VSTM4: variants seen among roughly 807,000 people sequenced by gnomAD.
VSTM4 encodes V-set and transmembrane domain-containing protein 4.
VSTM4 carries 20 observed loss-of-function variants against 36.4 expected under a neutral mutation model. That is an observed-to-expected ratio of 0.55 (90% CI 0.39 to 0.80). The LOEUF (loss-of-function observed/expected upper bound fraction) is 0.80, where lower values mean the gene tolerates loss of function less well. VSTM4 is among the 30% of genes least tolerant of loss of function. VSTM4 has a pLI of 0.00. For missense variants in VSTM4, 392 were observed against 404.5 expected, an observed-to-expected ratio of 0.97 and a Z score of 0.26; for synonymous variants, 182 against 173.9, an observed-to-expected ratio of 1.05 and a Z score of -0.37.
intron 2 of VSTM4, among the ~76,000 whole-genome samples, chr10:49,094,367 C>T (rs1368989532): frequency 6.6e-6 from 1 of 152,182 alleles, no homozygotes; most frequent in East Asian, 1.9e-4. Flanking sequence ...AAGATGATTC[C>T]TAACCAGAAG....
At chr10:49,041,598 G>T (rs1294380978) in intron 7 of VSTM4, among the ~76,000 whole-genome samples, 2 of 152,064 alleles carry the variant, frequency 1.3e-5, no homozygotes, top group African/African-American at 4.8e-5. Flanking sequence ...TATTTTTTTA[G>T]TTGCAAAAAA....
chr10:49,077,154 A>G (rs1844192497), intron 4 of VSTM4, 65 bp downstream of exon 4: 2 of 1,526,080 alleles, frequency 1.3e-6, no homozygotes. Flanking sequence ...TTTGTCTAGC[A>G]TCTTCCGCCC....
chr10:49,104,743 C>T (rs915655768), intron 2 of VSTM4, among the ~76,000 whole-genome samples: 11 of 151,182 alleles, frequency 7.3e-5, no homozygotes, highest in East Asian at 3.9e-4. Flanking sequence ...GGGGAGTGGG[C>T]GAGAGAAGTG....
chr10:49,058,224 G>T (rs1843816086), intron 5 of VSTM4, among the ~76,000 whole-genome samples: 1 of 152,138 alleles, frequency 6.6e-6, no homozygotes, highest in Non-Finnish European at 1.5e-5. Context: ...CCCGTAAGTA[G>T]AGATGAAGCA....
chr10:49,110,031 C>A (rs1206933792), intron 1 of VSTM4, among the ~76,000 whole-genome samples: 1 of 152,178 alleles, frequency 6.6e-6, no homozygotes, highest in Non-Finnish European at 1.5e-5. Flanking sequence ...ACTGGCTGAC[C>A]CAGCTCCAAC....
At chr10:49,102,998 G>A (rs1047319173) in intron 2 of VSTM4, 2 of 153,226 alleles carry the variant, frequency 1.3e-5, no homozygotes, top group Non-Finnish European at 2.9e-5. Flanking sequence ...ACCAATCCGT[G>A]GGGAAAAGGC....
intron 2 of VSTM4, among the ~76,000 whole-genome samples, 165 bp downstream of exon 2, chr10:49,107,429 C>T (rs1844802281): frequency 6.6e-6 from 1 of 152,248 alleles, no homozygotes; most frequent in Non-Finnish European, 1.5e-5. Context: ...AGGTAAAGAT[C>T]TACCCTCACC....
chr10:49,093,905 G>A (rs564568207), intron 2 of VSTM4, among the ~76,000 whole-genome samples: 4 of 151,888 alleles, frequency 2.6e-5, no homozygotes, highest in South Asian at 4.2e-4. Context: ...CTGCCATAAC[G>A]CCCAGCTAAT....
At chr10:49,059,958 C>T (rs1171974184) in intron 5 of VSTM4, among the ~76,000 whole-genome samples, 1 of 152,236 alleles carries the variant, frequency 6.6e-6, no homozygotes, top group Non-Finnish European at 1.5e-5. Flanking sequence ...CAAATGGAAT[C>T]ATATGATATG....
intron 3 of VSTM4, among the ~76,000 whole-genome samples, chr10:49,078,523 G>GAAAA (rs34919134): frequency 1.4e-5 from 2 of 137,962 alleles, no homozygotes. Context: ...TACGCTGAGT[G>GAAAA]AAAAAAAAAA....
At chr10:49,058,057 T>C (rs955322635) in intron 5 of VSTM4, among the ~76,000 whole-genome samples, 21 of 152,188 alleles carry the variant, frequency 1.4e-4, no homozygotes, top group Non-Finnish European at 2.5e-4. Flanking sequence ...TGAGAGGCCA[T>C]TGGACCTCTC....
intron 1 of VSTM4, among the ~76,000 whole-genome samples, chr10:49,111,215 G>C (rs998557142): frequency 6.6e-6 from 1 of 152,222 alleles, no homozygotes; most frequent in Non-Finnish European, 1.5e-5. Flanking sequence ...CCCAGGGGCT[G>C]GCAAATGTGA....
chr10:49,072,722 A>G (rs985828468), intron 4 of VSTM4, among the ~76,000 whole-genome samples: 1 of 152,192 alleles, frequency 6.6e-6, no homozygotes, highest in Admixed American at 6.5e-5. Context: ...GTGACACCAC[A>G]GGGAGAGAAA....
intron 5 of VSTM4, among the ~76,000 whole-genome samples, chr10:49,051,856 T>C (rs530975989): frequency 4.5e-4 from 69 of 152,350 alleles, no homozygotes; most frequent in South Asian, 2.5e-3. Context: ...TGTGTGTAGA[T>C]ACAAATTTTC....
chr10:49,054,418 G>C (rs892411624), intron 5 of VSTM4, among the ~76,000 whole-genome samples: 4 of 152,266 alleles, frequency 2.6e-5, no homozygotes, highest in African/African-American at 9.6e-5. Context: ...GGCCAACCCA[G>C]GTAGTGGGGT....
intron 4 of VSTM4, among the ~76,000 whole-genome samples, chr10:49,074,271 C>T (rs1262956131): frequency 6.6e-6 from 1 of 152,210 alleles, no homozygotes; most frequent in African/African-American, 2.4e-5. Context: ...AGGGGGTACA[C>T]ATAGTATAGC....
intron 7 of VSTM4, among the ~76,000 whole-genome samples, chr10:49,038,776 G>A (rs561780127): frequency 9.9e-5 from 15 of 152,190 alleles, no homozygotes; most frequent in Non-Finnish European, 1.8e-4. Flanking sequence ...CAGAAGGGTT[G>A]TTCTGAAATT....
intron 7 of VSTM4, among the ~76,000 whole-genome samples, chr10:49,025,786 C>T (rs1843251238): frequency 6.6e-6 from 1 of 152,238 alleles, no homozygotes; most frequent in Admixed American, 6.5e-5. Context: ...GCCCTCTGAA[C>T]TGCACCCGGG....
At chr10:49,080,556 G>C (rs545814009) in intron 3 of VSTM4, among the ~76,000 whole-genome samples, 1 of 152,348 alleles carries the variant, frequency 6.6e-6, no homozygotes, top group East Asian at 1.9e-4. Flanking sequence ...AAGTGCCTTA[G>C]GGCAAGGTAG....
Sources: allele counts gnomAD v4.1 joint callset (sites outside exome capture counted in the v4.1 genomes callset), GRCh38; gene constraint gnomAD v4.1.1; transcripts MANE v1.5; gene names NCBI Gene and HGNC (gene_info 2026-07-23, HGNC 2026-07-21).